CGNL1: variants seen among roughly 807,000 people sequenced by gnomAD.
CGNL1 encodes cingulin like 1, also known as cingulin-like protein 1.
A neutral mutation model predicts 141.2 loss-of-function variants in CGNL1; 132 were observed. The ratio of observed to expected loss-of-function variants is 0.93; its 90% CI spans 0.81 to 1.08. CGNL1 has a LOEUF of 1.08. CGNL1 is among the 50% of genes least tolerant of loss of function. CGNL1 has a pLI of 0.00. For synonymous variants in CGNL1, 690 were observed against 622.1 expected, an observed-to-expected ratio of 1.11 and a Z score of -1.63; for missense variants, 1,870 against 1,588.6, an observed-to-expected ratio of 1.18 and a Z score of -3.01.
intron 8 of CGNL1, among the ~76,000 whole-genome samples, chr15:57,497,440 ATG>A (rs1426275990): frequency 2.0e-5 from 3 of 152,192 alleles, no homozygotes; most frequent in African/African-American, 7.2e-5. Flanking sequence ...AGCGTCTGGC[ATG>A]TGTCTCTTGG....
intron 1 of CGNL1, among the ~76,000 whole-genome samples, chr15:57,411,285 A>T (rs992054042): frequency 3.9e-5 from 6 of 152,064 alleles, no homozygotes; most frequent in Non-Finnish European, 8.8e-5. Context: ...TGCTGGCTTC[A>T]TATTTGTTCA....
chr15:57,431,004 G>A (rs1228385973), intron 1 of CGNL1, among the ~76,000 whole-genome samples: 2 of 152,224 alleles, frequency 1.3e-5, no homozygotes, highest in Non-Finnish European at 2.9e-5. Context: ...TTACAGGCGT[G>A]AGCCAGTGCG....
At chr15:57,460,688 T>C (rs1410217873) in intron 7 of CGNL1, among the ~76,000 whole-genome samples, 3 of 152,160 alleles carry the variant, frequency 2.0e-5, no homozygotes, top group Non-Finnish European at 4.4e-5. Context: ...GAGAACTCAC[T>C]ATCACAAGAG....
intron 1 of CGNL1, among the ~76,000 whole-genome samples, chr15:57,386,777 G>A (rs187969375): frequency 1.3e-5 from 2 of 152,260 alleles, no homozygotes; most frequent in African/African-American, 4.8e-5. Flanking sequence ...GGTGAAGATG[G>A]GAGCTTAGCT....
chr15:57,479,650 T>C (rs2063701038), intron 8 of CGNL1, among the ~76,000 whole-genome samples: 1 of 152,138 alleles, frequency 6.6e-6, no homozygotes, highest in Admixed American at 6.5e-5. Flanking sequence ...GGTGATGGAA[T>C]GAGACTCCTT....
At chr15:57,489,858 G>A (rs979657227) in intron 8 of CGNL1, among the ~76,000 whole-genome samples, 15 of 151,564 alleles carry the variant, frequency 9.9e-5, no homozygotes, top group Middle Eastern at 3.4e-3. Flanking sequence ...GTTCAAGTTA[G>A]GATTACTGCC....
intron 12 of CGNL1, among the ~76,000 whole-genome samples, chr15:57,528,238 C>T (rs2031734208): frequency 6.7e-6 from 1 of 149,666 alleles, no homozygotes; most frequent in African/African-American, 2.5e-5. Flanking sequence ...GCCTGGGCAA[C>T]AAAGCAAGAC....
At chr15:57,427,520 T>C (rs1567109998) in intron 1 of CGNL1, among the ~76,000 whole-genome samples, 1 of 152,198 alleles carries the variant, frequency 6.6e-6, no homozygotes, top group Non-Finnish European at 1.5e-5. Flanking sequence ...GCTCTGGATT[T>C]TGCAATCATT....
At chr15:57,540,069 C>T (rs887485671) in intron 14 of CGNL1, among the ~76,000 whole-genome samples, 8 of 152,160 alleles carry the variant, frequency 5.3e-5, no homozygotes, top group African/African-American at 1.7e-4. Flanking sequence ...CCACCCAATC[C>T]ATCGATTGCT....
At position 57,545,619 on chromosome 15, in the gene CGNL1, C is replaced by T. The variant is rs1434794811; in HGVS notation, c.3528C>T (p.Asn1176=). The stretch of plus-strand genomic sequence containing the variant: ...ATCGGGCCAATCTTCAGCTCAGCAA[C>T]CGGCGGCTGGAGCGGAAAGTGAAGG... ...ERDRANLQLS[N]RRLERKVKEL... is the part of the protein sequence containing the mutation. The change falls in exon 17 of 19, where the codon AAC becomes AAT. Residue 1176 remains asparagine, a synonymous_variant. Coordinates refer to ENST00000281282, the MANE Select transcript of CGNL1 (RefSeq NM_032866.5). 2 of 1,613,652 alleles carry T rather than the reference C, an allele frequency of 1.2e-6. No homozygotes were observed. The highest frequency in any genetic ancestry group is 8.5e-7 in the Non-Finnish European group (1 of 1,179,904).
intron 8 of CGNL1, among the ~76,000 whole-genome samples, chr15:57,470,150 C>T (rs1229388741): frequency 1.3e-5 from 2 of 151,776 alleles, no homozygotes; most frequent in African/African-American, 4.8e-5. Context: ...GAAAATATCT[C>T]TTTTCCACAG....
chr15:57,499,249 T>G (rs1256550849), intron 8 of CGNL1, among the ~76,000 whole-genome samples: 1 of 111,928 alleles, frequency 8.9e-6, no homozygotes, highest in East Asian at 7.5e-4. Flanking sequence ...TTTTTTTTTT[T>G]TTTTTTTTTT....
intron 7 of CGNL1, among the ~76,000 whole-genome samples, chr15:57,454,987 C>A (rs968267265): frequency 6.6e-6 from 1 of 152,154 alleles, no homozygotes; most frequent in Admixed American, 6.5e-5. Context: ...GCCTCCCTAT[C>A]TATTGATAGC....
chr15:57,522,362 A>G (rs1470106487), intron 10 of CGNL1, among the ~76,000 whole-genome samples: 1 of 152,156 alleles, frequency 6.6e-6, no homozygotes, highest in African/African-American at 2.4e-5. Flanking sequence ...GGAGAGTCCG[A>G]AGTGATTTGG....
intron 10 of CGNL1, among the ~76,000 whole-genome samples, chr15:57,521,697 T>C (rs1195218734): frequency 6.6e-6 from 1 of 152,040 alleles, no homozygotes; most frequent in Non-Finnish European, 1.5e-5. Context: ...TCTTTTGTGG[T>C]TCAGGAGAAA....
chr15:57,414,888 C>T (rs760159052), intron 1 of CGNL1, among the ~76,000 whole-genome samples: 46 of 152,106 alleles, frequency 3.0e-4, no homozygotes, highest in Non-Finnish European at 5.0e-4. Flanking sequence ...GTCTATGTTT[C>T]CGAAGTTGTA....
chr15:57,414,318 T>C (rs1481241329), intron 1 of CGNL1, among the ~76,000 whole-genome samples: 1 of 152,204 alleles, frequency 6.6e-6, no homozygotes, highest in Admixed American at 6.5e-5. Flanking sequence ...GAATCTAATG[T>C]CAGCCCCACA....
intron 8 of CGNL1, among the ~76,000 whole-genome samples, chr15:57,468,167 C>T (rs1038563336): frequency 2.6e-5 from 4 of 151,272 alleles, no homozygotes; most frequent in Non-Finnish European, 4.4e-5. Context: ...CCTATCCTCT[C>T]TACTTGTTGC....
chr15:57,419,643 A>T (rs11856950), intron 1 of CGNL1, among the ~76,000 whole-genome samples: 15,832 of 152,164 alleles, frequency 0.1, 934 homozygotes, highest in Middle Eastern at 0.19. Context: ...TGGGGCTTCT[A>T]TGTGGGAGGA....
Sources: gnomAD v4.1 joint callset for allele counts (sites outside exome capture counted in the v4.1 genomes callset) on GRCh38, gnomAD v4.1.1 for gene constraint, MANE v1.5 for transcripts, NCBI Gene and HGNC (gene_info 2026-07-23, HGNC 2026-07-21) for gene names.